CDH19: variants seen among roughly 807,000 people sequenced by gnomAD.
The protein encoded by CDH19 is cadherin-19.
Under a neutral mutation model 64.2 loss-of-function variants are expected in CDH19, and 67 were observed. The observed-to-expected ratio is 1.04, with a 90% CI of 0.86 to 1.28. CDH19 has a LOEUF of 1.28. Among genes scored for constraint, CDH19 ranks in the 50% most tolerant of loss-of-function variants. The pLI is 0.00. For missense variants in CDH19, 1,030 were observed against 929.0 expected (o/e 1.11, Z -1.41); for synonymous variants, 346 against 319.3 (o/e 1.08, Z -0.89).
At chr18:66,510,632 T>TA (rs1347268989) in intron 10 of CDH19, among the ~76,000 whole-genome samples, 1 of 146,648 alleles carries the variant, frequency 6.8e-6, no homozygotes, top group African/African-American at 2.5e-5. Flanking sequence ...TAATAATACA[T>TA]GTACCCCCTG....
At chr18:66,528,282 G>A (rs948129448) in intron 9 of CDH19, among the ~76,000 whole-genome samples, 3 of 152,050 alleles carry the variant, frequency 2.0e-5, no homozygotes, top group Admixed American at 2.0e-4. Flanking sequence ...CACGTTTGAA[G>A]AAAAATGTCT....
intron 3 of CDH19, among the ~76,000 whole-genome samples, chr18:66,559,109 T>A (rs1987626149): frequency 6.6e-6 from 1 of 152,046 alleles, no homozygotes; most frequent in Non-Finnish European, 1.5e-5. Flanking sequence ...TCTAAAATAT[T>A]ATGGCTACTA....
chr18:66,507,852 G>T (rs1455407278), intron 11 of CDH19, among the ~76,000 whole-genome samples: 1 of 151,766 alleles, frequency 6.6e-6, no homozygotes, highest in Non-Finnish European at 1.5e-5. Context: ...TGTATACATT[G>T]TGGAATGATT....
intron 9 of CDH19, among the ~76,000 whole-genome samples, chr18:66,514,052 T>G (rs1286821159): frequency 6.6e-6 from 1 of 151,494 alleles, no homozygotes; most frequent in Non-Finnish European, 1.5e-5. Context: ...TTAGATAATC[T>G]TCACAATGGT....
intron 9 of CDH19, among the ~76,000 whole-genome samples, chr18:66,522,400 G>A (rs1182809870): frequency 6.6e-6 from 1 of 151,880 alleles, no homozygotes; most frequent in East Asian, 1.9e-4. Flanking sequence ...TCGCCCATTC[G>A]CCACTACGCC....
intron 9 of CDH19, among the ~76,000 whole-genome samples, chr18:66,514,989 A>T (rs1342505064): frequency 6.6e-6 from 1 of 151,696 alleles, no homozygotes; most frequent in East Asian, 1.9e-4. Context: ...TTAGTCAATG[A>T]ATAAATTGTT....
chr18:66,522,365 C>G (rs1986033004), intron 9 of CDH19, among the ~76,000 whole-genome samples: 1 of 152,108 alleles, frequency 6.6e-6, no homozygotes, highest in African/African-American at 2.4e-5. Context: ...GCCTCAGCCT[C>G]CCAAGCTGCT....
chr18:66,533,081 A>T lies in CDH19; in HGVS notation c.1336+1905T>A, dbSNP rs572028591. The stretch of plus-strand genomic sequence containing the variant: ...GTAATAAAATTTTTCTCTCTGTTCT[A>T]CCTTTGAGGGGAGGTTTTCTGGGCT... On this transcript the variant is annotated intron_variant, in intron 8 of 11. Coordinates refer to ENST00000262150, the MANE Select transcript of CDH19 (RefSeq NM_021153.4). Among the ~76,000 whole-genome samples, 39 of 152,048 alleles carry T rather than the reference A, an allele frequency of 2.6e-4. 1 individual carries two copies. The South Asian group carries it at 4.4e-3, about 17-fold the overall frequency.
chr18:66,588,572 G>C (rs940296015), intron 1 of CDH19, among the ~76,000 whole-genome samples: 4 of 145,142 alleles, frequency 2.8e-5, no homozygotes, highest in African/African-American at 9.8e-5. Flanking sequence ...GCCCAAAATT[G>C]GGTAAATAAT....
At chr18:66,585,039 T>C (rs1988535664) in intron 1 of CDH19, among the ~76,000 whole-genome samples, 1 of 151,994 alleles carries the variant, frequency 6.6e-6, no homozygotes, top group Non-Finnish European at 1.5e-5. Context: ...TACATAAAAT[T>C]GGTCTCACAG....
intron 1 of CDH19, among the ~76,000 whole-genome samples, chr18:66,582,910 C>T (rs1988466297): frequency 6.6e-6 from 1 of 151,956 alleles, no homozygotes; most frequent in African/African-American, 2.4e-5. Context: ...ACTGAGTGTG[C>T]AAAAGTTCTA....
chr18:66,529,959 T>C lies in CDH19; in HGVS notation c.1344A>G (p.Ile448Met). 6.7e-7 allele frequency: 1 copy of C among 1,494,866 alleles called. No individual in the cohort carries two copies. Among genetic ancestry groups the C allele is most frequent in the Non-Finnish European group, 9.1e-7 (1 of 1,101,398 alleles). 92.6% of individuals were successfully genotyped at this position (1,494,866 alleles called of 1,614,324 possible). The part of the protein sequence containing the change: ...LSITATEKYN[I>M]EQISSIPLYV... Reference sequence around the variant, plus strand: ...ACAGTGGGATCGAAGAGATCTGTTCTATATTGTCTGCAATTTGAATATATA... The same window carrying C: ...ACAGTGGGATCGAAGAGATCTGTTCCATATTGTCTGCAATTTGAATATATA... The change falls in exon 9 of 12, where the codon ATA becomes ATG. Residue 448 changes from isoleucine to methionine, a missense_variant. By Grantham distance (10) the Ile-to-Met change is conservative (BLOSUM62 1). Coordinates refer to ENST00000262150, the MANE Select transcript of CDH19 (RefSeq NM_021153.4).
Position 66,544,076 on chromosome 18 carries a change from A to G in CDH19, c.1109T>C (p.Phe370Ser), listed in dbSNP as rs1178856446. The G allele has an allele frequency of 1.9e-6, 3 of 1,613,816 alleles. No homozygotes were observed. The highest frequency in any genetic ancestry group is 2.5e-6 in the Non-Finnish European group (3 of 1,179,860). The change falls in exon 7 of 12, where the codon TTC becomes TCC. Residue 370 changes from phenylalanine (F) to serine (S), a missense_variant. Physicochemically the swap from Phe to Ser is radical, Grantham distance 155. Transcript: ENST00000262150. ...TTCAAATACATAATATGGAAGGAGG[A>G]AAAGAGGAGGCTCATCAACATCTTC... is the stretch of plus-strand genomic sequence containing the variant. ...QVEDVDEPPL[F>S]LLPYYVFEVF...
At chr18:66,527,994 C>G (rs1246576405) in intron 9 of CDH19, among the ~76,000 whole-genome samples, 1 of 150,708 alleles carries the variant, frequency 6.6e-6, no homozygotes, top group African/African-American at 2.4e-5. Context: ...AAATATAAAC[C>G]ATAATTTTAT....
chr18:66,531,713 C>T (rs536056017), intron 8 of CDH19, among the ~76,000 whole-genome samples: 5 of 152,128 alleles, frequency 3.3e-5, no homozygotes, highest in Admixed American at 2.0e-4. Flanking sequence ...AATACTTAAC[C>T]AGAATGCCTC....
intron 7 of CDH19, among the ~76,000 whole-genome samples, chr18:66,537,035 C>G (rs1986700709): frequency 6.6e-6 from 1 of 151,904 alleles, no homozygotes; most frequent in Non-Finnish European, 1.5e-5. Flanking sequence ...AAAAACAGCA[C>G]ACAGCATTTC....
chr18:66,582,639 CAA>C (rs11410904), intron 1 of CDH19, among the ~76,000 whole-genome samples: 16 of 72,878 alleles, frequency 2.2e-4, no homozygotes, highest in African/African-American at 5.3e-4. Flanking sequence ...TTACTGTCAC[CAA>C]AAAAAAAAAA....
intron 1 of CDH19, among the ~76,000 whole-genome samples, chr18:66,579,073 A>G (rs1988348911): frequency 6.6e-6 from 1 of 151,894 alleles, no homozygotes. Context: ...TATTGTGATG[A>G]AAGTCTTAGA....
At position 66,535,005 on chromosome 18, in the gene CDH19, A is replaced by G. The variant is rs202089035; in HGVS notation, c.1317T>C (p.Ser439=). Residue 439 remains serine (S), a synonymous_variant, in exon 8 of 12, where the codon AGT becomes AGC. Transcript: ENST00000262150. ...ACTTACATTTTTCTGTGGCTGTAATACTTAGGTTGTACCAAGCACTGATTT... is the reference window on the plus strand; with the variant it reads ...ACTTACATTTTTCTGTGGCTGTAATGCTTAGGTTGTACCAAGCACTGATTT... ...DREISAWYNL[S]ITATEKYNIE... 2 of 1,478,680 alleles carry G rather than the reference A, an allele frequency of 1.4e-6. No individual in the cohort carries two copies. Among genetic ancestry groups the G allele is most frequent in the Non-Finnish European group, 1.8e-6 (2 of 1,095,914 alleles). The allele number at this position is 1,478,680 out of a possible 1,614,324, so 91.6% of individuals were successfully genotyped here.
Sources: allele counts gnomAD v4.1 joint callset (sites outside exome capture counted in the v4.1 genomes callset), GRCh38; gene constraint gnomAD v4.1.1; transcripts MANE v1.5; gene names NCBI Gene and HGNC (gene_info 2026-07-23, HGNC 2026-07-21).